The following REV3L variants were observed in gnomAD, a reference collection of about 807,000 sequenced individuals.
REV3L encodes REV3 like, DNA directed polymerase zeta catalytic subunit.
REV3L carries 69 observed loss-of-function variants against 299.4 expected under a neutral mutation model. The observed-to-expected ratio is 0.23, with a 90% CI of 0.19 to 0.28. The LOEUF is 0.28. Ranked by LOEUF, REV3L falls within the 10% of genes least tolerant of loss-of-function variation. The pLI, the probability that REV3L is intolerant of heterozygous loss-of-function variation, is 1.00. For missense variants in REV3L, 3,128 were observed against 3,693.8 expected (o/e 0.85, Z 3.97); for synonymous variants, 1,238 against 1,271.4 (o/e 0.97, Z 0.56).
chr6:111,309,728 A>T, intron 30 of REV3L, 125 bp downstream of exon 30: 1 of 1,041,356 alleles, frequency 9.6e-7, no homozygotes, highest in Non-Finnish European at 1.3e-6. Flanking sequence ...GTATCATTTT[A>T]CGGGACCACA....
chr6:111,344,063 AC>A lies in REV3L; in HGVS notation c.7420-21del, dbSNP rs772665233. ...AGCCACCTAAAAAAAAAGGCAAGACACCATTATAATAATGCTTACATTTATG... is the reference window on the plus strand; with the variant it reads ...AGCCACCTAAAAAAAAAGGCAAGACACATTATAATAATGCTTACATTTATG... On this transcript the variant is annotated intron_variant, in intron 20 of 31. Transcript: ENST00000368802. 6.6e-6 allele frequency: 10 copies of A among 1,505,822 alleles called. No individual in the cohort carries two copies. In the Admixed American group the frequency reaches 1.9e-4, roughly 28 times the overall value. 93.3% of individuals were successfully genotyped at this position (1,505,822 alleles called of 1,614,324 possible).
In REV3L at chr6:111,392,864, A is replaced by C; in HGVS notation, c.662+12T>G. 1 of 1,549,060 alleles carries C rather than the reference A, an allele frequency of 6.5e-7. No individual in the cohort carries two copies. Reference sequence around the variant, plus strand: ...ATGTAAAATTTTCATTTCCTTTACAACATTAACTAACCTTGGTATTTCATC... The same window carrying C: ...ATGTAAAATTTTCATTTCCTTTACACCATTAACTAACCTTGGTATTTCATC... On this transcript the variant is annotated intron_variant, in intron 5 of 31. Transcript: ENST00000368802.
chr6:111,482,871 T>G lies in REV3L; in HGVS notation c.18A>C (p.Ile6=). The G allele has an allele frequency of 6.6e-7, 1 of 1,518,068 alleles. No individual in the cohort carries two copies. Among genetic ancestry groups the G allele is most frequent in the Non-Finnish European group, 8.8e-7 (1 of 1,142,108 alleles). The allele number at this position is 1,518,068 out of a possible 1,614,324, so 94.0% of individuals were successfully genotyped here. A position where few individuals can be genotyped will look rare whatever the true frequency, so the allele number is the denominator to read the frequency against. MFSVR[I]VTADYYMASP... is the part of the protein sequence containing the mutation. ...TGGCCATGTAGTAGTCTGCAGTCAC[T>G]ATCCTTACTGAAAACATGTTCGCCG... Residue 6 remains isoleucine (I), a synonymous_variant, in exon 1 of 32, where the codon ATA becomes ATC. Transcript: ENST00000368802.
intron 1 of REV3L, among the ~76,000 whole-genome samples, chr6:111,477,058 T>C (rs1370429541): frequency 1.3e-5 from 2 of 152,230 alleles, no homozygotes; most frequent in Admixed American, 6.5e-5. Context: ...TAAGTGACTA[T>C]TTTGTAAACT....
chr6:111,386,182 C>T (rs1431158672), intron 9 of REV3L, among the ~76,000 whole-genome samples: 1 of 152,186 alleles, frequency 6.6e-6, no homozygotes, highest in Non-Finnish European at 1.5e-5. Flanking sequence ...AGCTCCTGCA[C>T]ATAGCCATAA....
Position 111,375,586 on chromosome 6 carries a change from G to A in REV3L, c.2769C>T (p.Arg923=), listed in dbSNP as rs1275617743. ...TGTCTTCAGTCTCATAATTTACCTT[G>A]CGTTTGGCTCTAAGTGTGTATTTAT... ...YGNKYTLRAK[R]KVNYETEDSE... Residue 923 remains arginine, a synonymous_variant, in exon 13 of 32, where the codon CGC becomes CGT. Coordinates refer to ENST00000368802, the MANE Select transcript of REV3L (RefSeq NM_001372078.1). 6.2e-7 allele frequency: 1 copy of A among 1,613,494 alleles called. No homozygotes were observed. The highest frequency in any genetic ancestry group is 2.2e-5 in the East Asian group (1 of 44,874).
rs1775572374 is a variant in REV3L, at chr6:111,333,269, C to T, written c.7779G>A (p.Gln2593=). 1.9e-6 allele frequency: 3 copies of T among 1,614,114 alleles called. No individual in the cohort carries two copies. Among genetic ancestry groups the T allele is most frequent in the Non-Finnish European group, 2.5e-6 (3 of 1,180,012 alleles). Residue 2593 remains glutamine, a synonymous_variant, in exon 23 of 32, where the codon CAG becomes CAA. Transcript: ENST00000368802. ...CAGGCTCCATAATTAGAGGAACACA[C>T]TGTGGGGCTCTCATCTGGGATCTTT... ...VQQRSQMRAP[Q]CVPLIMEPES... is the part of the protein sequence containing the mutation.
chr6:111,461,138 C>T (rs1790720090), intron 1 of REV3L, among the ~76,000 whole-genome samples: 1 of 152,024 alleles, frequency 6.6e-6, no homozygotes, highest in African/African-American at 2.4e-5. Flanking sequence ...GTAAGTCCTT[C>T]AGGAGATATT....
intron 16 of REV3L, chr6:111,360,630 C>A (rs1462249119): frequency 6.6e-6 from 1 of 151,816 alleles, no homozygotes. Context: ...TACATATCAC[C>A]ATGGCCAGCT....
intron 31 of REV3L, among the ~76,000 whole-genome samples, chr6:111,301,582 G>C (rs563867068): frequency 6.6e-6 from 1 of 152,020 alleles, no homozygotes; most frequent in East Asian, 1.9e-4. Context: ...GGCTAACAAT[G>C]AGCTTAAAAA....
intron 4 of REV3L, among the ~76,000 whole-genome samples, chr6:111,396,853 C>G (rs1562250151): frequency 6.6e-6 from 1 of 152,108 alleles, no homozygotes; most frequent in Non-Finnish European, 1.5e-5. Context: ...CTTCCTGGTT[C>G]AATCTTGGTA....
chr6:111,453,809 C>A (rs988599099), intron 1 of REV3L, among the ~76,000 whole-genome samples: 1 of 151,880 alleles, frequency 6.6e-6, no homozygotes, highest in Non-Finnish European at 1.5e-5. Context: ...CATGGTGAAA[C>A]CCCATCTCTA....
Position 111,340,433 on chromosome 6 carries a change from A to G in REV3L, c.7538+3492T>C, listed in dbSNP as rs1358284830. Among the ~76,000 whole-genome samples, 3 of 152,174 alleles carry G rather than the reference A, an allele frequency of 2.0e-5. No homozygotes were observed. In the East Asian group the frequency reaches 5.8e-4, roughly 29 times the overall value. ...AAAAAATGTGTTCTAAGCTTGAAAC[A>G]ATAAAATGTTGGGAACATAATTCAT... On this transcript the variant is annotated intron_variant, in intron 21 of 31. Coordinates refer to ENST00000368802, the MANE Select transcript of REV3L (RefSeq NM_001372078.1).
At chr6:111,430,442 TG>T (rs1481341782) in intron 1 of REV3L, 93 of 1,523,588 alleles carry the variant, frequency 6.1e-5, no homozygotes, top group Non-Finnish European at 7.3e-5. Context: ...TGTGTACTAA[TG>T]CCATGATTTA....
chr6:111,456,232 A>T (rs1425619464), intron 1 of REV3L, among the ~76,000 whole-genome samples: 3 of 152,176 alleles, frequency 2.0e-5, no homozygotes, highest in African/African-American at 7.2e-5. Flanking sequence ...TACCAGAGGA[A>T]AAACAATTCC....
upstream of REV3L, chr6:111,483,267 G>C (rs1794000045): frequency 1.9e-5 from 9 of 480,850 alleles, no homozygotes; most frequent in Non-Finnish European, 3.3e-5. Flanking sequence ...GTGGCGAAGG[G>C]AGGCTGCGAG....
Position 111,416,273 on chromosome 6 carries a change from A to G in REV3L, c.329+10T>C. 1 of 1,574,326 alleles carries G rather than the reference A, an allele frequency of 6.4e-7. No homozygotes were observed. The highest frequency in any genetic ancestry group is 8.7e-7 in the Non-Finnish European group (1 of 1,153,990). ...AACAGAAATTATAAAATATATTATC[A>G]TATACTTACATTCCTGATACTAATG... On this transcript the variant is annotated intron_variant, in intron 2 of 31. Transcript: ENST00000368802.
intron 1 of REV3L, among the ~76,000 whole-genome samples, chr6:111,421,425 C>T (rs541659633): frequency 2.6e-5 from 4 of 152,240 alleles, no homozygotes; most frequent in Admixed American, 1.3e-4. Context: ...GACACAATTA[C>T]ATAACTCTGC....
rs1028705840 is a variant in REV3L at position 111,300,184 on chromosome 6, T to C, written c.9253-28A>G. ...GAAAGCATAAGAGAAATACAAAAAA[T>C]AATAGGAAAGTTTTTATGCGTGTAT... On this transcript the variant is annotated intron_variant, in intron 31 of 31. Coordinates refer to ENST00000368802, the MANE Select transcript of REV3L (RefSeq NM_001372078.1). The C allele has an allele frequency of 9.1e-6, 13 of 1,426,472 alleles. No individual in the cohort carries two copies. The African/African-American group carries it at 1.3e-4, about 14-fold the overall frequency. The allele number at this position is 1,426,472 out of a possible 1,614,324, so 88.4% of individuals were successfully genotyped here. A position where few individuals can be genotyped will look rare whatever the true frequency, so the allele number is the denominator to read the frequency against.
Sources: allele counts gnomAD v4.1 joint callset (sites outside exome capture counted in the v4.1 genomes callset), GRCh38; gene constraint gnomAD v4.1.1; transcripts MANE v1.5; gene names NCBI Gene and HGNC (gene_info 2026-07-23, HGNC 2026-07-21).